The following RBCK1 variants were observed in gnomAD, a reference collection of about 807,000 sequenced individuals.
The protein encoded by RBCK1 is ranBP-type and C3HC4-type zinc finger-containing protein 1.
Under a neutral mutation model 71.1 loss-of-function variants are expected in RBCK1, and 44 were observed. That is an observed-to-expected ratio of 0.62 (90% CI 0.49 to 0.80). The LOEUF (loss-of-function observed/expected upper bound fraction) is 0.80, where lower values mean the gene tolerates loss of function less well. Among genes scored for constraint, RBCK1 ranks in the 30% least tolerant of loss-of-function variants. The pLI, the probability that RBCK1 is intolerant of heterozygous loss-of-function variation, is 0.00. For missense variants in RBCK1, 569 were observed against 685.0 expected (o/e 0.83, Z 1.89); for synonymous variants, 306 against 279.7 (o/e 1.09, Z -0.94).
chr20:431,698 G>C lies in RBCK1; in HGVS notation c.*1268G>C, dbSNP rs1033835923. Among the ~76,000 whole-genome samples, 4 of 152,244 alleles carry C rather than the reference G, an allele frequency of 2.6e-5. No homozygotes were observed. The highest frequency in any genetic ancestry group is 7.2e-5 in the African/African-American group (3 of 41,464). On this transcript the variant is annotated 3_prime_UTR_variant, in exon 12 of 12. Transcript: ENST00000356286. This position sits in a 1 kb window ranked among gnomAD's most constrained non-coding sequence, Gnocchi z 4.8. ...GACTCAAGAGCTGGCCCCAGTCACT[G>C]TGCGCAGAGCTGTCTGAGAATGTGT...
chr20:416,331 T>A (rs1291598478), intron 2 of RBCK1, among the ~76,000 whole-genome samples: 1 of 151,966 alleles, frequency 6.6e-6, no homozygotes, highest in African/African-American at 2.4e-5. Context: ...AATTTTTTTT[T>A]TTGTATTTTT....
In RBCK1 at chr20:427,510, T is replaced by A. The variant is rs781249541; in HGVS notation, c.1209+18T>A. On this transcript the variant is annotated intron_variant, in intron 9 of 11. Transcript: ENST00000356286. ...TCTGCAAGGTGGGGCCTGCAGGGACTCCCCCCACCTAGTCACTGTCATCTT... is the reference window on the plus strand; with the variant it reads ...TCTGCAAGGTGGGGCCTGCAGGGACACCCCCCACCTAGTCACTGTCATCTT... 3.1e-6 allele frequency: 5 copies of A among 1,610,620 alleles called. No individual in the cohort carries two copies. Among genetic ancestry groups the A allele is most frequent in the Non-Finnish European group, 4.2e-6 (5 of 1,178,826 alleles).
intron 2 of RBCK1, chr20:410,284 C>T: frequency 3.0e-6 from 2 of 659,664 alleles, no homozygotes; most frequent in Non-Finnish European, 5.5e-6. Context: ...AGGCCTTATA[C>T]AACAGAAGAA....
chr20:418,411 C>T (rs1484926077), intron 4 of RBCK1, among the ~76,000 whole-genome samples: 5 of 152,138 alleles, frequency 3.3e-5, no homozygotes, highest in African/African-American at 7.2e-5. Context: ...CTCTGTCGCC[C>T]AGGCTGGAGT....
chr20:429,515 C>G (rs139871143), intron 11 of RBCK1, among the ~76,000 whole-genome samples: 1 of 152,134 alleles, frequency 6.6e-6, no homozygotes, highest in African/African-American at 2.4e-5. Context: ...CGTGAGCCAC[C>G]GGGCCGCAAG....
intron 4 of RBCK1, 90 bp from the exon 5 acceptor site, chr20:419,257 G>GCTA: frequency 6.4e-7 from 1 of 1,561,058 alleles, no homozygotes; most frequent in Non-Finnish European, 8.7e-7. Context: ...TAGGGGGAGG[G>GCTA]TCTGCCTGGC....
Position 430,549 on chromosome 20 carries a change from A to G in RBCK1, c.*119A>G. The G allele has an allele frequency of 2.0e-6, 2 of 1,003,540 alleles. No homozygotes were observed. The highest frequency in any genetic ancestry group is 3.0e-6 in the Non-Finnish European group (2 of 662,606). The allele number at this position is 1,003,540 out of a possible 1,614,324, so 62.2% of individuals were successfully genotyped here. On this transcript the variant is annotated 3_prime_UTR_variant, in exon 12 of 12. Transcript: ENST00000356286. The surrounding 1 kb of genome is among the most constrained non-coding windows in gnomAD (Gnocchi z 5.6). ...GTAGCGTTGTAGGGGCCCTGCCTGCACTGCGGTTGTCCACGGTCACATCTG... is the reference window on the plus strand; with the variant it reads ...GTAGCGTTGTAGGGGCCCTGCCTGCGCTGCGGTTGTCCACGGTCACATCTG...
At chr20:427,588 C>A in intron 9 of RBCK1, 96 bp downstream of exon 9, 1 of 1,337,550 alleles carries the variant, frequency 7.5e-7, no homozygotes, top group Non-Finnish European at 1.0e-6. Context: ...GGAGCTGTGA[C>A]ACTGGCCTGC....
At chr20:409,635 T>C (rs879643045) in intron 1 of RBCK1, among the ~76,000 whole-genome samples, 3 of 151,974 alleles carry the variant, frequency 2.0e-5, no homozygotes, top group Non-Finnish European at 4.4e-5. Context: ...AATAGAAATA[T>C]GAGGGACCCT....
At chr20:409,356 C>A (rs150785959) in intron 1 of RBCK1, among the ~76,000 whole-genome samples, 12 of 152,320 alleles carry the variant, frequency 7.9e-5, no homozygotes, top group Admixed American at 2.0e-4. Flanking sequence ...GAGCTTGACA[C>A]GTGCAGCTTC....
intron 6 of RBCK1, chr20:420,640 C>G: frequency 1.1e-6 from 1 of 935,052 alleles, no homozygotes; most frequent in Non-Finnish European, 1.3e-6. Flanking sequence ...CTCCCAGCCC[C>G]GCCCCTCCCA....
At chr20:418,633 G>T (rs540128705) in intron 4 of RBCK1, among the ~76,000 whole-genome samples, 1 of 152,222 alleles carries the variant, frequency 6.6e-6, no homozygotes, top group Admixed American at 6.5e-5. Flanking sequence ...CTCCCAAAGT[G>T]CTGGGATTAC....
chr20:409,009 C>G (rs80055441), intron 1 of RBCK1, among the ~76,000 whole-genome samples: 5,444 of 152,302 alleles, frequency 0.036, 112 homozygotes, highest in African/African-American at 0.042. Flanking sequence ...AGGGGACTCG[C>G]AGAGGACACA....
chr20:415,615 G>A (rs1201132009), intron 2 of RBCK1, among the ~76,000 whole-genome samples: 1 of 151,462 alleles, frequency 6.6e-6, no homozygotes, highest in Non-Finnish European at 1.5e-5. Context: ...TAAGAAACCT[G>A]GTCTTTTGAC....
intron 2 of RBCK1, among the ~76,000 whole-genome samples, chr20:415,282 C>G (rs2015920937): frequency 6.6e-6 from 1 of 151,998 alleles, no homozygotes; most frequent in Non-Finnish European, 1.5e-5. Context: ...GTGGGAGGGT[C>G]ACCTCAGTCC....
Position 429,198 on chromosome 20 carries a change from C to A in RBCK1, c.1452+104C>A, listed in dbSNP as rs1245510109. 2.1e-6 allele frequency: 3 copies of A among 1,435,236 alleles called. No homozygotes were observed. The East Asian group carries it at 7.5e-5, about 36-fold the overall frequency. 88.9% of individuals were successfully genotyped at this position (1,435,236 alleles called of 1,614,324 possible). A position where few individuals can be genotyped will look rare whatever the true frequency, so the allele number is the denominator to read the frequency against. On this transcript the variant is annotated intron_variant, in intron 11 of 11. Transcript: ENST00000356286. The stretch of plus-strand genomic sequence containing the variant: ...CCATGGGCCATATCCAACCCAGCAC[C>A]TGAATTTGTACAGCTCCCGAGGTAA...
chr20:411,470 C>G (rs1038417224), intron 2 of RBCK1, among the ~76,000 whole-genome samples: 1 of 152,184 alleles, frequency 6.6e-6, no homozygotes, highest in Non-Finnish European at 1.5e-5. Context: ...CAGGTTCACG[C>G]CATTCTCCTG....
chr20:430,559 TC>T lies in RBCK1; in HGVS notation c.*131del. ...AGGGGCCCTGCCTGCACTGCGGTTG[TC>T]CACGGTCACATCTGCCCCAGTGCCT... On this transcript the variant is annotated 3_prime_UTR_variant, in exon 12 of 12. Coordinates refer to ENST00000356286, the MANE Select transcript of RBCK1 (RefSeq NM_031229.4). The surrounding 1 kb of genome is among the most constrained non-coding windows in gnomAD (Gnocchi z 5.6). The T allele has an allele frequency of 1.1e-6, 1 of 901,448 alleles. No individual in the cohort carries two copies. The highest frequency in any genetic ancestry group is 1.7e-6 in the Non-Finnish European group (1 of 577,446). The allele number at this position is 901,448 out of a possible 1,614,324, so 55.8% of individuals were successfully genotyped here. A position where few individuals can be genotyped will look rare whatever the true frequency, so the allele number is the denominator to read the frequency against.
chr20:408,862 G>C, intron 1 of RBCK1, 83 bp downstream of exon 1: 1 of 1,504,976 alleles, frequency 6.6e-7, no homozygotes, highest in Non-Finnish European at 9.0e-7. Flanking sequence ...GGCCAGAAGG[G>C]CCTTGGAGAG....
Sources: allele counts gnomAD v4.1 joint callset (sites outside exome capture counted in the v4.1 genomes callset), GRCh38; gene constraint gnomAD v4.1.1; non-coding constraint Gnocchi (gnomAD v3.1); transcripts MANE v1.5; gene names NCBI Gene and HGNC (gene_info 2026-07-23, HGNC 2026-07-21).